The following SCFD2 variants were observed in gnomAD, a reference collection of about 807,000 sequenced individuals.
SCFD2 encodes sec1 family domain containing 2, also known as sec1 family domain-containing protein 2.
Under a neutral mutation model 58.9 loss-of-function variants are expected in SCFD2, and 54 were observed. That is an observed-to-expected ratio of 0.92 (90% CI 0.74 to 1.15). SCFD2 has a LOEUF of 1.15. Among genes scored for constraint, SCFD2 ranks in the 50% most tolerant of loss-of-function variants. SCFD2 has a pLI of 0.00. For synonymous variants in SCFD2, 321 were observed against 335.9 expected, an observed-to-expected ratio of 0.96 and a Z score of 0.49; for missense variants, 805 against 836.6, an observed-to-expected ratio of 0.96 and a Z score of 0.47.
At chr4:53,329,685 C>A (rs1055712343) in intron 2 of SCFD2, among the ~76,000 whole-genome samples, 1 of 152,174 alleles carries the variant, frequency 6.6e-6, no homozygotes, top group Non-Finnish European at 1.5e-5. Context: ...AAACGCAGAG[C>A]ACCTCTCCTC....
At chr4:53,257,325 T>C (rs1730676346) in intron 4 of SCFD2, among the ~76,000 whole-genome samples, 1 of 152,128 alleles carries the variant, frequency 6.6e-6, no homozygotes, top group Non-Finnish European at 1.5e-5. Flanking sequence ...CAGTTCAATG[T>C]GAAGAAGAGT....
At chr4:52,993,276 T>C (rs1364661606) in intron 5 of SCFD2, among the ~76,000 whole-genome samples, 2 of 152,062 alleles carry the variant, frequency 1.3e-5, no homozygotes, top group African/African-American at 4.8e-5. Flanking sequence ...CAGGGTCCTC[T>C]GCCTAGGAAA....
intron 7 of SCFD2, among the ~76,000 whole-genome samples, chr4:52,892,633 C>T (rs1718904032): frequency 6.6e-6 from 1 of 152,140 alleles, no homozygotes; most frequent in East Asian, 1.9e-4. Context: ...ATCCAACTCC[C>T]CTGGGAAGCT....
At chr4:53,116,344 C>G (rs1214935783) in intron 5 of SCFD2, among the ~76,000 whole-genome samples, 2 of 152,114 alleles carry the variant, frequency 1.3e-5, no homozygotes, top group South Asian at 2.1e-4. Context: ...GAAGGCCCAC[C>G]CCATCTTGAT....
At chr4:52,886,162 T>C (rs1454812350) in intron 7 of SCFD2, among the ~76,000 whole-genome samples, 1 of 152,216 alleles carries the variant, frequency 6.6e-6, no homozygotes, top group African/African-American at 2.4e-5. Flanking sequence ...ATACCTACCC[T>C]TCCCTAATTG....
intron 5 of SCFD2, among the ~76,000 whole-genome samples, chr4:52,951,600 T>C (rs1016676145): frequency 5.3e-5 from 8 of 152,196 alleles, no homozygotes; most frequent in South Asian, 2.1e-4. Flanking sequence ...TCCACCTAAT[T>C]TTCCAGCCCC....
intron 4 of SCFD2, among the ~76,000 whole-genome samples, chr4:53,203,347 G>T (rs1560383209): frequency 6.6e-6 from 1 of 151,830 alleles, no homozygotes; most frequent in Non-Finnish European, 1.5e-5. Context: ...AAAAGAGAAG[G>T]CATAATCAGA....
chr4:53,057,468 G>C (rs1723376773), intron 5 of SCFD2, among the ~76,000 whole-genome samples: 1 of 152,066 alleles, frequency 6.6e-6, no homozygotes, highest in African/African-American at 2.4e-5. Context: ...ATCAAACACT[G>C]CATGTTCTCA....
intron 5 of SCFD2, among the ~76,000 whole-genome samples, chr4:52,991,881 G>A (rs1416912735): frequency 6.6e-6 from 1 of 152,272 alleles, no homozygotes; most frequent in South Asian, 2.1e-4. Context: ...CTTTTGGAAT[G>A]AGGTAGGGTA....
Position 53,352,663 on chromosome 4 carries a change from G to A in SCFD2, c.942C>T (p.Leu314=), listed in dbSNP as rs770392979. The change falls in exon 2 of 9, where the codon CTC becomes CTT. Residue 314 remains leucine, a synonymous_variant. Coordinates refer to ENST00000401642, the MANE Select transcript of SCFD2 (RefSeq NM_152540.4). The part of the protein sequence containing the change: ...TNDVMVNMIA[L]TALHTEEENY... ...TTTCCTCCTCAGTATGGAGTGCAGT[G>A]AGCGCTATCATGTTAACCATCACAT... 4 of 1,613,968 alleles carry A rather than the reference G, an allele frequency of 2.5e-6. No individual in the cohort carries two copies. The highest frequency in any genetic ancestry group is 3.3e-5 in the Admixed American group (2 of 60,012).
chr4:52,938,934 T>A (rs1486910482), intron 5 of SCFD2, among the ~76,000 whole-genome samples: 2 of 152,104 alleles, frequency 1.3e-5, no homozygotes, highest in Non-Finnish European at 2.9e-5. Flanking sequence ...AAAACATGAG[T>A]GGCAGGGACA....
intron 4 of SCFD2, among the ~76,000 whole-genome samples, chr4:53,232,024 T>C (rs971983195): frequency 6.6e-5 from 10 of 152,248 alleles, no homozygotes; most frequent in African/African-American, 2.4e-4. Context: ...GTATCATATA[T>C]TCAATAAGAC....
chr4:53,052,891 GCA>G (rs1553872794), intron 5 of SCFD2, among the ~76,000 whole-genome samples: 1 of 152,132 alleles, frequency 6.6e-6, no homozygotes, highest in Non-Finnish European at 1.5e-5. Flanking sequence ...ACACAAAAGA[GCA>G]CACGCTGTAT....
At chr4:53,229,770 T>C (rs1222986377) in intron 4 of SCFD2, among the ~76,000 whole-genome samples, 1 of 152,232 alleles carries the variant, frequency 6.6e-6, no homozygotes, top group South Asian at 2.1e-4. Context: ...AATTGACAAA[T>C]GGGATCTCAT....
chr4:52,934,860 G>C (rs569961265), intron 5 of SCFD2, among the ~76,000 whole-genome samples: 3 of 152,284 alleles, frequency 2.0e-5, no homozygotes, highest in African/African-American at 7.2e-5. Flanking sequence ...AGATGACCAC[G>C]CTAGATTAAG....
intron 5 of SCFD2, among the ~76,000 whole-genome samples, chr4:53,078,280 T>A (rs866460031): frequency 2.6e-5 from 4 of 152,204 alleles, no homozygotes; most frequent in Admixed American, 1.3e-4. Flanking sequence ...AAGCTCACAT[T>A]CTTTCTACTC....
chr4:52,993,198 T>A (rs975737202), intron 5 of SCFD2, among the ~76,000 whole-genome samples: 3 of 151,864 alleles, frequency 2.0e-5, no homozygotes, highest in Non-Finnish European at 2.9e-5. Context: ...GAAGGCAGCA[T>A]GCTCGTTAAG....
At chr4:53,177,302 G>A (rs946078600) in intron 4 of SCFD2, among the ~76,000 whole-genome samples, 1 of 152,194 alleles carries the variant, frequency 6.6e-6, no homozygotes, top group Non-Finnish European at 1.5e-5. Context: ...AGTAATACAT[G>A]CTTGGGGCAC....
chr4:53,117,938 A>G (rs1241811948), intron 5 of SCFD2, among the ~76,000 whole-genome samples: 1 of 152,186 alleles, frequency 6.6e-6, no homozygotes, highest in African/African-American at 2.4e-5. Context: ...CGGTCTTTTC[A>G]TGGAAAAATC....
Sources: allele counts gnomAD v4.1 joint callset (sites outside exome capture counted in the v4.1 genomes callset), GRCh38; gene constraint gnomAD v4.1.1; transcripts MANE v1.5; gene names NCBI Gene and HGNC (gene_info 2026-07-23, HGNC 2026-07-21).